PCDH9: variants seen among roughly 807,000 people sequenced by gnomAD.
PCDH9 encodes protocadherin-9.
A neutral mutation model predicts 70.6 loss-of-function variants in PCDH9; 24 were observed. The observed-to-expected ratio is 0.34, with a 90% CI of 0.25 to 0.48. The LOEUF is 0.48. Among genes scored for constraint, PCDH9 ranks in the 20% least tolerant of loss-of-function variants. The pLI is 0.99. For synonymous variants in PCDH9, 562 were observed against 558.5 expected (o/e 1.01, Z -0.09); for missense variants, 1,281 against 1,503.6 (o/e 0.85, Z 2.45).
chr13:66,828,810 A>AAAAAAAAAAATAATAATAAT (rs71207607), intron 3 of PCDH9, among the ~76,000 whole-genome samples: 2 of 148,608 alleles, frequency 1.3e-5, no homozygotes, highest in African/African-American at 4.9e-5. Context: ...GCCATACATA[A>AAAAAAAAAAATAATAATAAT]AATAATAATA....
intron 4 of PCDH9, among the ~76,000 whole-genome samples, chr13:66,395,382 C>T (rs9599109): frequency 0.3 from 45,546 of 151,902 alleles, 7,038 homozygotes; most frequent in Non-Finnish European, 0.34. Context: ...GCAGGTGGAT[C>T]ACAAGGTCAG....
intron 4 of PCDH9, among the ~76,000 whole-genome samples, chr13:66,408,469 G>A (rs1045854932): frequency 2.0e-5 from 3 of 152,142 alleles, no homozygotes; most frequent in Admixed American, 6.5e-5. Flanking sequence ...AAGTAAGCTA[G>A]AATCATGGAT....
chr13:66,460,116 C>T (rs1958395976), intron 4 of PCDH9, among the ~76,000 whole-genome samples: 1 of 151,668 alleles, frequency 6.6e-6, no homozygotes, highest in South Asian at 2.1e-4. Flanking sequence ...CAGGTAATGA[C>T]TTCCATGCAG....
chr13:66,437,894 T>C (rs1270587242), intron 4 of PCDH9, among the ~76,000 whole-genome samples: 1 of 152,146 alleles, frequency 6.6e-6, no homozygotes, highest in African/African-American at 2.4e-5. Context: ...ATTGGCAACG[T>C]TGTTTCGTGA....
At chr13:66,996,451 C>T (rs2084117884) in intron 2 of PCDH9, among the ~76,000 whole-genome samples, 1 of 151,976 alleles carries the variant, frequency 6.6e-6, no homozygotes, top group Non-Finnish European at 1.5e-5. Flanking sequence ...AGGTAGGCCT[C>T]ACAGAGAAAG....
At chr13:66,365,753 G>C (rs929694731) in intron 4 of PCDH9, among the ~76,000 whole-genome samples, 2 of 152,070 alleles carry the variant, frequency 1.3e-5, no homozygotes, top group African/African-American at 4.8e-5. Flanking sequence ...AACACATTTT[G>C]TCTTTAAACC....
intron 3 of PCDH9, among the ~76,000 whole-genome samples, chr13:66,769,939 G>T (rs1259995845): frequency 6.6e-6 from 1 of 151,900 alleles, no homozygotes. Flanking sequence ...ATTTCTTTTT[G>T]AAAATAAGTG....
intron 2 of PCDH9, among the ~76,000 whole-genome samples, chr13:67,191,212 T>C (rs1289661775): frequency 6.6e-6 from 1 of 152,120 alleles, no homozygotes; most frequent in Non-Finnish European, 1.5e-5. Context: ...ACAAATATAT[T>C]CTTATCACAT....
chr13:66,774,480 C>A (rs1464017763), intron 3 of PCDH9, among the ~76,000 whole-genome samples: 4 of 152,062 alleles, frequency 2.6e-5, no homozygotes, highest in Admixed American at 2.0e-4. Context: ...GGAGGGAACT[C>A]ATCAGCAAAT....
At chr13:67,164,243 A>G (rs1042101111) in intron 2 of PCDH9, among the ~76,000 whole-genome samples, 75 of 152,212 alleles carry the variant, frequency 4.9e-4, no homozygotes, top group Non-Finnish European at 8.4e-4. Context: ...AATACATATT[A>G]TATCTACTAT....
chr13:66,680,118 G>A (rs1017006777), intron 3 of PCDH9, among the ~76,000 whole-genome samples: 4 of 151,846 alleles, frequency 2.6e-5, no homozygotes, highest in African/African-American at 7.2e-5. Context: ...CTATGTCCAA[G>A]GCTTTTTGGA....
chr13:66,850,204 G>A (rs1447574194), intron 3 of PCDH9, among the ~76,000 whole-genome samples: 2 of 152,160 alleles, frequency 1.3e-5, no homozygotes, highest in Admixed American at 1.3e-4. Context: ...TATTTTGATG[G>A]TAAGGTACAA....
chr13:66,594,290 A>G (rs2077074856), intron 4 of PCDH9, among the ~76,000 whole-genome samples: 1 of 151,736 alleles, frequency 6.6e-6, no homozygotes, highest in Non-Finnish European at 1.5e-5. Context: ...GAAAACCTCC[A>G]GCCATGGCCC....
intron 2 of PCDH9, among the ~76,000 whole-genome samples, chr13:67,042,487 G>A (rs2085140095): frequency 6.6e-6 from 1 of 152,012 alleles, no homozygotes. Context: ...AAGATCTCAA[G>A]TATCTAATTA....
intron 2 of PCDH9, among the ~76,000 whole-genome samples, chr13:67,096,919 T>A (rs2086331653): frequency 1.3e-5 from 2 of 152,242 alleles, no homozygotes; most frequent in African/African-American, 4.8e-5. Context: ...TGTTTTCATT[T>A]TCAAATGATT....
At chr13:66,547,422 G>T (rs964542216) in intron 4 of PCDH9, among the ~76,000 whole-genome samples, 3 of 152,102 alleles carry the variant, frequency 2.0e-5, no homozygotes, top group Non-Finnish European at 2.9e-5. Flanking sequence ...GGCGATTAAG[G>T]TTAATTAAAT....
intron 2 of PCDH9, among the ~76,000 whole-genome samples, chr13:67,082,257 C>T (rs1476780340): frequency 6.6e-6 from 1 of 152,172 alleles, no homozygotes; most frequent in Non-Finnish European, 1.5e-5. Context: ...CTTCCTCCTG[C>T]TCCCAGCGCC....
intron 2 of PCDH9, among the ~76,000 whole-genome samples, chr13:67,033,991 T>C (rs948708024): frequency 1.3e-5 from 2 of 152,048 alleles, no homozygotes; most frequent in African/African-American, 4.8e-5. Flanking sequence ...TTTTTGTTTG[T>C]TTTTGTTTTT....
chr13:66,994,635 T>C (rs757878945), intron 2 of PCDH9, among the ~76,000 whole-genome samples: 1 of 152,228 alleles, frequency 6.6e-6, no homozygotes, highest in Non-Finnish European at 1.5e-5. Context: ...GAGCTGAGCC[T>C]GTCCAGAGGC....
Sources: gnomAD v4.1 joint callset for allele counts (sites outside exome capture counted in the v4.1 genomes callset) on GRCh38, gnomAD v4.1.1 for gene constraint, MANE v1.5 for transcripts, NCBI Gene and HGNC (gene_info 2026-07-23, HGNC 2026-07-21) for gene names.